Variants in WWOX observed in about 807,000 individuals in gnomAD.
The protein encoded by WWOX is WW domain containing oxidoreductase, also known as WW domain-containing oxidoreductase.
WWOX carries 69 observed loss-of-function variants against 46.2 expected under a neutral mutation model. That is an observed-to-expected ratio of 1.49 (90% CI 1.23 to 1.82). WWOX has a LOEUF of 1.82. Ranked by LOEUF, WWOX falls within the 40% of genes most tolerant of loss-of-function variation. WWOX has a pLI of 0.00. For missense variants in WWOX, 919 were observed against 542.6 expected, an observed-to-expected ratio of 1.69 and a Z score of -6.89; for synonymous variants, 359 against 202.6, an observed-to-expected ratio of 1.77 and a Z score of -6.56.
intron 8 of WWOX, among the ~76,000 whole-genome samples, chr16:78,780,194 C>T (rs969333809): frequency 6.6e-6 from 1 of 152,160 alleles, no homozygotes; most frequent in African/African-American, 2.4e-5. Flanking sequence ...CTGGTTTTCT[C>T]TTCTCCTTCC....
chr16:79,024,552 G>A (rs534068306), intron 8 of WWOX, among the ~76,000 whole-genome samples: 1 of 152,104 alleles, frequency 6.6e-6, no homozygotes, highest in Non-Finnish European at 1.5e-5. Context: ...TCCTGCCTCA[G>A]CCTCCCGAGT....
intron 4 of WWOX, among the ~76,000 whole-genome samples, chr16:78,126,899 A>G (rs970867943): frequency 2.0e-5 from 3 of 152,330 alleles, no homozygotes; most frequent in African/African-American, 7.2e-5. Context: ...TAGATCTTCT[A>G]TTAATGACAG....
chr16:78,899,660 C>T (rs1417005452), intron 8 of WWOX: 2 of 152,198 alleles, frequency 1.3e-5, no homozygotes, highest in African/African-American at 4.8e-5. Context: ...GTGAGTTGAT[C>T]TTGTAAGACT....
intron 8 of WWOX, among the ~76,000 whole-genome samples, chr16:78,967,172 C>G (rs1195859137): frequency 6.6e-6 from 1 of 151,906 alleles, no homozygotes; most frequent in African/African-American, 2.4e-5. Context: ...AGAAGCCCAT[C>G]AGCCCTGAGA....
At chr16:78,144,801 G>A (rs1390595050) in intron 4 of WWOX, among the ~76,000 whole-genome samples, 3 of 151,700 alleles carry the variant, frequency 2.0e-5, no homozygotes, top group South Asian at 2.1e-4. Flanking sequence ...GATTACAGGC[G>A]TGAGCCACCG....
At chr16:79,089,110 G>C (rs1264658015) in intron 8 of WWOX, among the ~76,000 whole-genome samples, 1 of 152,140 alleles carries the variant, frequency 6.6e-6, no homozygotes, top group Non-Finnish European at 1.5e-5. Flanking sequence ...GGGTGCGAAT[G>C]TGACTTTTCA....
chr16:78,350,433 T>C (rs2081163656), intron 5 of WWOX, among the ~76,000 whole-genome samples: 1 of 120,800 alleles, frequency 8.3e-6, no homozygotes, highest in Admixed American at 8.1e-5. Flanking sequence ...CTGGCATCCT[T>C]TTCCCCACTT....
At chr16:78,441,935 AC>A (rs886977213) in intron 8 of WWOX, among the ~76,000 whole-genome samples, 20 of 150,562 alleles carry the variant, frequency 1.3e-4, no homozygotes, top group African/African-American at 4.9e-4. Context: ...GGTATGAGTG[AC>A]AAAAATTTCA....
At chr16:78,709,395 G>GT in intron 8 of WWOX, among the ~76,000 whole-genome samples, 1 of 152,214 alleles carries the variant, frequency 6.6e-6, no homozygotes, top group East Asian at 1.9e-4. Context: ...CCGGTTCACA[G>GT]GGCCTGGGTA....
intron 8 of WWOX, among the ~76,000 whole-genome samples, chr16:79,074,502 T>C (rs535147414): frequency 7.4e-6 from 1 of 134,304 alleles, no homozygotes; most frequent in African/African-American, 2.8e-5. Flanking sequence ...TGTGGGGGAA[T>C]GGAGAGACCT....
intron 8 of WWOX, among the ~76,000 whole-genome samples, chr16:78,902,810 G>T (rs2044863387): frequency 6.6e-6 from 1 of 152,168 alleles, no homozygotes; most frequent in African/African-American, 2.4e-5. Flanking sequence ...CTGTCCTCAG[G>T]CTTAGCCTTA....
intron 8 of WWOX, among the ~76,000 whole-genome samples, chr16:78,556,962 A>C (rs189467140): frequency 6.6e-5 from 10 of 152,040 alleles, no homozygotes; most frequent in Middle Eastern, 6.8e-3. Context: ...CAGGTGATTC[A>C]CCCACCTCAG....
chr16:78,683,050 A>G lies in WWOX; in HGVS notation c.1056+250298A>G, dbSNP rs571369644. On this transcript the variant is annotated intron_variant, in intron 8 of 8. Coordinates refer to ENST00000566780, the MANE Select transcript of WWOX (RefSeq NM_016373.4). ...TGATGGATACCTTTGGTGGGGTAGGAAGGATCGTCATTTAGAACCTGGGTT... is the reference window on the plus strand; with the variant it reads ...TGATGGATACCTTTGGTGGGGTAGGGAGGATCGTCATTTAGAACCTGGGTT... Among the ~76,000 whole-genome samples, 7 of 152,272 alleles carry G rather than the reference A, an allele frequency of 4.6e-5. No individual in the cohort carries two copies. In the East Asian group the frequency reaches 1.4e-3, roughly 30 times the overall value.
At chr16:78,308,945 G>A (rs2080182727) in intron 5 of WWOX, among the ~76,000 whole-genome samples, 1 of 152,104 alleles carries the variant, frequency 6.6e-6, no homozygotes, top group Non-Finnish European at 1.5e-5. Context: ...CGGGTGTTTA[G>A]CTAATAACTC....
chr16:78,950,027 G>T (rs2046026780), intron 8 of WWOX, among the ~76,000 whole-genome samples: 1 of 152,144 alleles, frequency 6.6e-6, no homozygotes, highest in Admixed American at 6.6e-5. Flanking sequence ...GACTTTCCAA[G>T]GCTGTGCAGC....
chr16:78,913,861 A>T (rs545553296), intron 8 of WWOX, among the ~76,000 whole-genome samples: 2 of 151,868 alleles, frequency 1.3e-5, no homozygotes, highest in South Asian at 2.1e-4. Flanking sequence ...GGGTCTTGCT[A>T]TGTTGTCCAG....
chr16:78,351,100 G>A (rs1428461007), intron 5 of WWOX, among the ~76,000 whole-genome samples: 2 of 151,992 alleles, frequency 1.3e-5, no homozygotes, highest in Admixed American at 1.3e-4. Context: ...TTTTTTCAGC[G>A]GTTATCAGGT....
chr16:78,232,976 G>A (rs56291110), intron 5 of WWOX, among the ~76,000 whole-genome samples: 17,497 of 152,094 alleles, frequency 0.12, 1,211 homozygotes, highest in Non-Finnish European at 0.15. Flanking sequence ...CAAGTTGCTG[G>A]GACTACAGGC....
At chr16:79,047,531 C>G (rs983571863) in intron 8 of WWOX, among the ~76,000 whole-genome samples, 1 of 152,156 alleles carries the variant, frequency 6.6e-6, no homozygotes, top group Non-Finnish European at 1.5e-5. Flanking sequence ...CTTGAACTCC[C>G]TCTAGGGGCC....
Sources: gnomAD v4.1 joint callset for allele counts (sites outside exome capture counted in the v4.1 genomes callset) on GRCh38, gnomAD v4.1.1 for gene constraint, MANE v1.5 for transcripts, NCBI Gene and HGNC (gene_info 2026-07-23, HGNC 2026-07-21) for gene names.